The following TRPM2 variants were observed in gnomAD, a reference collection of about 807,000 sequenced individuals.
TRPM2 encodes the protein transient receptor potential cation channel subfamily M member 2, also known as estrogen-responsive element-associated gene 1 protein.
A neutral mutation model predicts 174.0 loss-of-function variants in TRPM2; 161 were observed. The observed-to-expected ratio is 0.93, with a 90% CI of 0.81 to 1.05. TRPM2 has a LOEUF of 1.05. Among genes scored for constraint, TRPM2 ranks in the 50% least tolerant of loss-of-function variants. The probability of loss-of-function intolerance (pLI) is 0.00; values close to 1 mark genes in which losing one functional copy is unlikely to be tolerated. For synonymous variants in TRPM2, 954 were observed against 861.3 expected, an observed-to-expected ratio of 1.11 and a Z score of -1.88; for missense variants, 2,057 against 2,038.0, an observed-to-expected ratio of 1.01 and a Z score of -0.18.
intron 31 of TRPM2, 151 bp downstream of exon 31, chr21:44,441,056 G>A: frequency 1.4e-6 from 1 of 699,592 alleles, no homozygotes; most frequent in Non-Finnish European, 2.5e-6. Flanking sequence ...GGAAGGCGGG[G>A]ACCGGGGTCT....
chr21:44,356,431 G>A (rs113299137), intron 2 of TRPM2, among the ~76,000 whole-genome samples: 1 of 151,718 alleles, frequency 6.6e-6, no homozygotes, highest in Non-Finnish European at 1.5e-5. Context: ...TATTTGGAGC[G>A]AGTCCACAGA....
intron 11 of TRPM2, among the ~76,000 whole-genome samples, chr21:44,395,188 ACGGGCGTTTCACTTT>A (rs2049303119): frequency 6.6e-6 from 1 of 152,246 alleles, no homozygotes; most frequent in Non-Finnish European, 1.5e-5. Context: ...AAGGAGTTAG[ACGGGCGTTTCACTTT>A]CTAGATGTCT....
Position 44,359,054 on chromosome 21 carries a change from G to A in TRPM2, c.254+4318G>A, listed in dbSNP as rs144028606. Among the ~76,000 whole-genome samples the A allele has an allele frequency of 3.5e-3, 531 of 151,688 alleles. 8 individuals are homozygous for A. Among genetic ancestry groups the A allele is most frequent in the African/African-American group, 0.012 (489 of 41,096 alleles). On this transcript the variant is annotated intron_variant, in intron 2 of 31. Transcript: ENST00000397928. Reference sequence around the variant, plus strand: ...TGCTGATTGGTCCATTTTACAGAGCGCTGATTGGTCCATTTTACAGAGCAC... The same window carrying A: ...TGCTGATTGGTCCATTTTACAGAGCACTGATTGGTCCATTTTACAGAGCAC...
chr21:44,432,356 G>A lies in TRPM2; in HGVS notation c.3975-2775G>A, dbSNP rs573560873. Reference sequence around the variant, plus strand: ...CTAGCCACATGGCCTCTCCCTGCACGTGTCTGTGTCTCTTCTGTTCTTAGG... The same window carrying A: ...CTAGCCACATGGCCTCTCCCTGCACATGTCTGTGTCTCTTCTGTTCTTAGG... On this transcript the variant is annotated intron_variant, in intron 27 of 31. Transcript: ENST00000397928. The surrounding 1 kb of genome is among the most constrained non-coding windows in gnomAD (Gnocchi z 4.9). Among the ~76,000 whole-genome samples the A allele has an allele frequency of 2.7e-4, 41 of 152,236 alleles. No individual in the cohort carries two copies. The highest frequency in any genetic ancestry group is 1.7e-3 in the South Asian group (8 of 4,770).
intron 11 of TRPM2, among the ~76,000 whole-genome samples, chr21:44,395,103 C>T (rs1171346548): frequency 1.3e-5 from 2 of 152,214 alleles, no homozygotes; most frequent in Non-Finnish European, 2.9e-5. Flanking sequence ...TCGTTGAAAG[C>T]AGCTTTGATG....
chr21:44,441,675 T>G lies in TRPM2; in HGVS notation c.4387-17T>G. 6.2e-7 allele frequency: 1 copy of G among 1,602,184 alleles called. No homozygotes were observed. Among genetic ancestry groups the G allele is most frequent in the Non-Finnish European group, 8.5e-7 (1 of 1,174,516 alleles). On this transcript the variant is annotated splice_polypyrimidine_tract_variant and intron_variant, in intron 31 of 31. Transcript: ENST00000397928. ...CAGGGCTGGCGGGGAGGGTCAGCTG[T>G]GCCCTTGTTCTTCCAGAACCTGCAC...
intron 24 of TRPM2, 185 bp downstream of exon 24, chr21:44,425,124 A>G: frequency 1.7e-6 from 1 of 601,368 alleles, no homozygotes; most frequent in Admixed American, 3.0e-5. Flanking sequence ...GCTGGCGCCG[A>G]GGCCCCGCCC....
chr21:44,424,644 C>G (rs909950566), intron 23 of TRPM2, among the ~76,000 whole-genome samples: 3 of 152,140 alleles, frequency 2.0e-5, no homozygotes, highest in African/African-American at 7.2e-5. Context: ...TGGCAGCCCC[C>G]GGGGGGAGCC....
intron 16 of TRPM2, among the ~76,000 whole-genome samples, chr21:44,404,748 G>C (rs1215128951): frequency 6.6e-6 from 1 of 151,610 alleles, no homozygotes; most frequent in Non-Finnish European, 1.5e-5. Flanking sequence ...TGATGATAGT[G>C]ACAGTGATAG....
At chr21:44,406,944 G>T (rs968411627) in intron 19 of TRPM2, among the ~76,000 whole-genome samples, 179 bp downstream of exon 19, 1 of 150,384 alleles carries the variant, frequency 6.6e-6, no homozygotes, top group South Asian at 2.1e-4. Context: ...GAAGTAGAAG[G>T]GGCCCCACCA....
intron 29 of TRPM2, among the ~76,000 whole-genome samples, chr21:44,437,572 G>C (rs1160335829): frequency 6.6e-6 from 1 of 152,126 alleles, no homozygotes; most frequent in Non-Finnish European, 1.5e-5. Flanking sequence ...ATATAGGACG[G>C]TGTCATCCAG....
intron 2 of TRPM2, among the ~76,000 whole-genome samples, chr21:44,362,748 A>C (rs571169417): frequency 6.6e-6 from 1 of 151,970 alleles, no homozygotes; most frequent in Non-Finnish European, 1.5e-5. Flanking sequence ...TCAATTAAGA[A>C]GGTCCAAACT....
intron 2 of TRPM2, among the ~76,000 whole-genome samples, chr21:44,362,923 G>A (rs1984546210): frequency 6.6e-6 from 1 of 152,074 alleles, no homozygotes; most frequent in Admixed American, 6.5e-5. Flanking sequence ...ACAGGCTGCT[G>A]CCACCATGCC....
At position 44,376,360 on chromosome 21, in the gene TRPM2, T is replaced by C. The variant is rs540856711; in HGVS notation, c.952+347T>C. On this transcript the variant is annotated intron_variant, in intron 6 of 31. Coordinates refer to ENST00000397928, the MANE Select transcript of TRPM2 (RefSeq NM_003307.4). The surrounding 1 kb of genome is among the most constrained non-coding windows in gnomAD (Gnocchi z 4.2). ...CATTTTAGCCAGTGGGAGGGCGGTC[T>C]GGGGGGCTGGCAGCTCACCTGTGTG... Among the ~76,000 whole-genome samples, 5 of 152,266 alleles carry C rather than the reference T, an allele frequency of 3.3e-5. No individual in the cohort carries two copies. Among genetic ancestry groups the C allele is most frequent in the African/African-American group, 1.2e-4 (5 of 41,554 alleles).
intron 9 of TRPM2, among the ~76,000 whole-genome samples, chr21:44,389,954 G>A (rs1369671534): frequency 3.3e-5 from 5 of 150,158 alleles, no homozygotes; most frequent in African/African-American, 4.9e-5. Flanking sequence ...ATCATTGCAA[G>A]TTCCGCCTCC....
intron 2 of TRPM2, among the ~76,000 whole-genome samples, chr21:44,360,568 CTTTT>C (rs34605236): frequency 2.3e-5 from 3 of 130,538 alleles, no homozygotes; most frequent in African/African-American, 2.9e-5. Flanking sequence ...AGTTTTATGT[CTTTT>C]TTTTTTTTTT....
rs147956633 is a variant in TRPM2 at position 44,375,925 on chromosome 21, C to T, written c.864C>T (p.Asp288=). Residue 288 remains aspartate, a synonymous_variant, in exon 6 of 32, where the codon GAC becomes GAT. Coordinates refer to ENST00000397928, the MANE Select transcript of TRPM2 (RefSeq NM_003307.4). The part of the protein sequence containing the change: ...DSNHSHFILV[D]DGTHGQYGVE... ...ACCACTCTCACTTCATCCTCGTGGA[C>T]GACGGGACCCACGGCCAGTACGGGG... The T allele has an allele frequency of 5.2e-5, 84 of 1,614,118 alleles. No individual in the cohort carries two copies. In the East Asian group the frequency reaches 1.4e-3, roughly 27 times the overall value.
chr21:44,354,389 G>A lies in TRPM2; in HGVS notation c.166-259G>A, dbSNP rs2047997509. ...CATGTTGTTCCCAAGGAAGGTGGTG[G>A]TGCTGTAGAAACTGTAAAGTGCGCG... On this transcript the variant is annotated intron_variant, in intron 1 of 31. Coordinates refer to ENST00000397928, the MANE Select transcript of TRPM2 (RefSeq NM_003307.4). The surrounding 1 kb of genome is among the most constrained non-coding windows in gnomAD (Gnocchi z 4.3). Among the ~76,000 whole-genome samples the A allele has an allele frequency of 6.6e-6, 1 of 152,182 alleles. No homozygotes were observed. Among genetic ancestry groups the A allele is most frequent in the Admixed American group, 6.5e-5 (1 of 15,272 alleles).
At chr21:44,365,225 C>G (rs2048327061) in intron 3 of TRPM2, among the ~76,000 whole-genome samples, 1 of 152,216 alleles carries the variant, frequency 6.6e-6, no homozygotes, top group Non-Finnish European at 1.5e-5. Flanking sequence ...GAGTGTTGAC[C>G]AGCCTTCTGG....
Sources: allele counts gnomAD v4.1 joint callset (sites outside exome capture counted in the v4.1 genomes callset), GRCh38; gene constraint gnomAD v4.1.1; non-coding constraint Gnocchi (gnomAD v3.1); transcripts MANE v1.5; gene names NCBI Gene and HGNC (gene_info 2026-07-23, HGNC 2026-07-21).